FGD4: variants seen among roughly 807,000 people sequenced by gnomAD.
FGD4 encodes FYVE, RhoGEF and PH domain-containing protein 4.
Under a neutral mutation model 102.0 loss-of-function variants are expected in FGD4, and 42 were observed. The observed-to-expected ratio is 0.41, with a 90% CI of 0.32 to 0.53. FGD4 has a LOEUF of 0.53. Among genes scored for constraint, FGD4 ranks in the 20% least tolerant of loss-of-function variants. FGD4 has a pLI of 0.21. For missense variants in FGD4, 902 were observed against 1,078.2 expected (o/e 0.84, Z 2.29); for synonymous variants, 380 against 375.7 (o/e 1.01, Z -0.13).
rs573649383 is a variant in FGD4, at chr12:32,445,532, ATC to A, written c.166+45575_166+45576del. 2.2e-4 allele frequency among the ~76,000 whole-genome samples: 34 copies of A among 152,316 alleles called. No individual in the cohort carries two copies. In the South Asian group the frequency reaches 6.8e-3, roughly 31 times the overall value. On this transcript the variant is annotated intron_variant, in intron 1 of 16. Coordinates refer to ENST00000534526, the MANE Select transcript of FGD4 (RefSeq NM_001370298.3). ...TCTCATGATAGGATTATTGAATAAA[ATC>A]TGTTGTTTCTGTGAATGCTGAAAAT...
Position 32,472,447 on chromosome 12 carries a change from G to A in FGD4, c.166+72488G>A, listed in dbSNP as rs929087152. 1.2e-4 allele frequency among the ~76,000 whole-genome samples: 18 copies of A among 152,320 alleles called. No homozygotes were observed. The East Asian group carries it at 1.4e-3, about 11-fold the overall frequency. On this transcript the variant is annotated intron_variant, in intron 1 of 16. Transcript: ENST00000534526. The stretch of plus-strand genomic sequence containing the variant: ...ACTTAGCACCCGGGCCAGTGGCTGC[G>A]GAGGGTGTACTGGGTCCCCCAGCAG...
At chr12:32,625,947 G>A (rs989549031) in intron 14 of FGD4, among the ~76,000 whole-genome samples, 168 bp downstream of exon 14, 14 of 152,204 alleles carry the variant, frequency 9.2e-5, no homozygotes, top group African/African-American at 2.7e-4. Flanking sequence ...AAAAACGTTA[G>A]ACAAAATGTT....
At chr12:32,573,197 G>A (rs747598238) in intron 2 of FGD4, among the ~76,000 whole-genome samples, 3 of 152,126 alleles carry the variant, frequency 2.0e-5, no homozygotes, top group Non-Finnish European at 2.9e-5. Flanking sequence ...CCGGGTTCAC[G>A]CCATTCTCCT....
intron 12 of FGD4, 129 bp from the exon 13 acceptor site, chr12:32,624,847 T>C (rs1950053757): frequency 5.1e-6 from 4 of 781,386 alleles, no homozygotes; most frequent in African/African-American, 3.4e-5. Flanking sequence ...TGTTTTAATA[T>C]GTAGTAATCA....
chr12:32,553,926 C>G (rs1943895659), intron 1 of FGD4, among the ~76,000 whole-genome samples: 1 of 152,030 alleles, frequency 6.6e-6, no homozygotes, highest in African/African-American at 2.4e-5. Context: ...GCAACAGAAA[C>G]CCCAATTTTT....
At chr12:32,485,307 T>C (rs576561107) in intron 1 of FGD4, among the ~76,000 whole-genome samples, 1 of 152,210 alleles carries the variant, frequency 6.6e-6, no homozygotes, top group Non-Finnish European at 1.5e-5. Context: ...TGGAAAAAAA[T>C]GGAAGGCCCT....
At chr12:32,478,863 C>T (rs1349301883) in intron 1 of FGD4, among the ~76,000 whole-genome samples, 1 of 152,148 alleles carries the variant, frequency 6.6e-6, no homozygotes, top group Non-Finnish European at 1.5e-5. Flanking sequence ...TATGAATCTG[C>T]ATGAAGAATC....
At chr12:32,514,667 A>C (rs536006202) in intron 1 of FGD4, among the ~76,000 whole-genome samples, 5 of 151,808 alleles carry the variant, frequency 3.3e-5, no homozygotes, top group Non-Finnish European at 7.4e-5. Context: ...GTACACCATC[A>C]TGCCTAGCTA....
intron 13 of FGD4, among the ~76,000 whole-genome samples, chr12:32,625,274 T>A (rs1592453580): frequency 7.1e-6 from 1 of 141,402 alleles, no homozygotes; most frequent in African/African-American, 2.7e-5. Flanking sequence ...TTATTCTTTT[T>A]TTTTTTTTTT....
intron 1 of FGD4, among the ~76,000 whole-genome samples, chr12:32,447,681 A>ATCAC (rs1346581661): frequency 6.6e-6 from 1 of 152,236 alleles, no homozygotes; most frequent in Non-Finnish European, 1.5e-5. Context: ...CACAGGTCAG[A>ATCAC]TCACTTATGC....
chr12:32,552,084 A>C (rs1039237254), intron 1 of FGD4, among the ~76,000 whole-genome samples: 2 of 152,064 alleles, frequency 1.3e-5, no homozygotes, highest in African/African-American at 4.8e-5. Flanking sequence ...CAGTCTGCGA[A>C]CCTCCTCCAG....
intron 1 of FGD4, among the ~76,000 whole-genome samples, chr12:32,559,826 G>A (rs1944395392): frequency 6.6e-6 from 1 of 152,152 alleles, no homozygotes. Context: ...ATGTGTAATG[G>A]TGATGACCTT....
intron 1 of FGD4, among the ~76,000 whole-genome samples, chr12:32,538,952 G>T (rs937939103): frequency 6.6e-6 from 1 of 152,264 alleles, no homozygotes; most frequent in South Asian, 2.1e-4. Flanking sequence ...TACTCAGTAG[G>T]TTGAGGCAGG....
At chr12:32,423,541 G>A (rs1251880651) in intron 1 of FGD4, among the ~76,000 whole-genome samples, 3 of 145,888 alleles carry the variant, frequency 2.1e-5, no homozygotes, top group Non-Finnish European at 3.0e-5. Context: ...GCAGTGAGCC[G>A]AGATCACGCC....
At chr12:32,440,555 C>G (rs1345135933) in intron 1 of FGD4, among the ~76,000 whole-genome samples, 2 of 152,222 alleles carry the variant, frequency 1.3e-5, no homozygotes, top group Non-Finnish European at 2.9e-5. Flanking sequence ...AGAGTGACCC[C>G]TGTGACCACC....
In FGD4 at chr12:32,447,655, C is replaced by A. The variant is rs1591919410; in HGVS notation, c.166+47696C>A. Among the ~76,000 whole-genome samples the A allele has an allele frequency of 2.6e-5, 4 of 152,304 alleles. 1 individual carries two copies. The highest frequency in any genetic ancestry group is 2.6e-4 in the Admixed American group (4 of 15,308). ...TTTAGCATTCTAGTCCTGAGCCATC[C>A]AAATTCGCTCAGTGACACAGGTCAG... is the stretch of plus-strand genomic sequence containing the variant. On this transcript the variant is annotated intron_variant, in intron 1 of 16. Transcript: ENST00000534526.
At chr12:32,449,781 A>G (rs1427296174) in intron 1 of FGD4, among the ~76,000 whole-genome samples, 1 of 152,100 alleles carries the variant, frequency 6.6e-6, no homozygotes, top group East Asian at 1.9e-4. Context: ...TCTGTTGCCC[A>G]GCCTAAAGTG....
At chr12:32,510,062 T>C (rs1400448157) in intron 1 of FGD4, among the ~76,000 whole-genome samples, 1 of 152,176 alleles carries the variant, frequency 6.6e-6, no homozygotes, top group East Asian at 1.9e-4. Flanking sequence ...AATAAGCAAA[T>C]AGAGTACAAC....
chr12:32,561,533 T>C (rs1336491078), intron 1 of FGD4, among the ~76,000 whole-genome samples: 1 of 152,240 alleles, frequency 6.6e-6, no homozygotes, highest in Non-Finnish European at 1.5e-5. Context: ...TGAGTTCTCT[T>C]TGAGATATTT....
Sources: gnomAD v4.1 joint callset for allele counts (sites outside exome capture counted in the v4.1 genomes callset) on GRCh38, gnomAD v4.1.1 for gene constraint, MANE v1.5 for transcripts, NCBI Gene and HGNC (gene_info 2026-07-23, HGNC 2026-07-21) for gene names.